The following ZBTB20 variants were observed in gnomAD, a reference collection of about 807,000 sequenced individuals.
The protein encoded by ZBTB20 is zinc finger and BTB domain-containing protein 20.
Under a neutral mutation model 56.9 loss-of-function variants are expected in ZBTB20, and 9 were observed. The observed-to-expected ratio is 0.16, with a 90% CI of 0.10 to 0.28. The LOEUF is 0.28. ZBTB20 is among the 10% of genes least tolerant of loss of function. ZBTB20 has a pLI of 1.00. For synonymous variants in ZBTB20, 417 were observed against 420.7 expected (o/e 0.99, Z 0.11); for missense variants, 655 against 1,003.0 (o/e 0.65, Z 4.69).
chr3:114,577,829 A>G (rs1369674953), intron 6 of ZBTB20, among the ~76,000 whole-genome samples: 1 of 152,228 alleles, frequency 6.6e-6, no homozygotes, highest in Non-Finnish European at 1.5e-5. Context: ...CTACCATTGT[A>G]AGATCTGGAT....
At chr3:114,490,500 C>A (rs1461368636) in intron 7 of ZBTB20, among the ~76,000 whole-genome samples, 1 of 152,226 alleles carries the variant, frequency 6.6e-6, no homozygotes, top group East Asian at 1.9e-4. Flanking sequence ...GGATTACAGG[C>A]GTGAGATCCC....
At chr3:114,960,934 A>G (rs2077426789) in intron 3 of ZBTB20, among the ~76,000 whole-genome samples, 1 of 152,122 alleles carries the variant, frequency 6.6e-6, no homozygotes, top group Non-Finnish European at 1.5e-5. Context: ...AAAGCATTGC[A>G]ATAAGGAAGG....
intron 6 of ZBTB20, among the ~76,000 whole-genome samples, chr3:114,614,822 C>T (rs1050988989): frequency 6.6e-6 from 1 of 152,014 alleles, no homozygotes; most frequent in Non-Finnish European, 1.5e-5. Context: ...GGTGTGATCT[C>T]AGCTCACTGC....
intron 5 of ZBTB20, among the ~76,000 whole-genome samples, chr3:114,756,968 C>T (rs903701499): frequency 1.3e-5 from 2 of 152,116 alleles, no homozygotes; most frequent in East Asian, 3.9e-4. Context: ...TCAATTTTCA[C>T]TTTAAAAAAA....
rs2078953348 is a variant in ZBTB20, at chr3:114,323,154, C to T, written c.*15851G>A. On this transcript the variant is annotated 3_prime_UTR_variant, in exon 12 of 12. Transcript: ENST00000675478. ...AAGAGCTGTCAAACTCTGATTACTT[C>T]TAAGATTAAAAAAGATAATAAAAAT... 1 of 152,040 alleles carries T rather than the reference C, an allele frequency of 6.6e-6. No individual in the cohort carries two copies. The highest frequency in any genetic ancestry group is 6.6e-5 in the Admixed American group (1 of 15,250). The allele number at this position is 152,040 out of a possible 1,614,324, so 9.4% of individuals were successfully genotyped here. A position where few individuals can be genotyped will look rare whatever the true frequency, so the allele number is the denominator to read the frequency against.
chr3:114,435,064 C>T (rs980782904), intron 7 of ZBTB20, among the ~76,000 whole-genome samples: 8 of 151,954 alleles, frequency 5.3e-5, no homozygotes, highest in Non-Finnish European at 1.0e-4. Flanking sequence ...ATGTATGATC[C>T]GGAGAGAGGT....
rs879338584 is a variant in ZBTB20 at position 114,664,219 on chromosome 3, G to A, written c.-295+29309C>T. The stretch of plus-strand genomic sequence containing the variant: ...ACCTGAGATTTTGAACCACTGTCAA[G>A]TTTGTGGTTGCCCTGGTAAGGAGTA... On this transcript the variant is annotated intron_variant, in intron 6 of 11. Coordinates refer to ENST00000675478, the MANE Select transcript of ZBTB20 (RefSeq NM_001348800.3). 4.6e-5 allele frequency among the ~76,000 whole-genome samples: 7 copies of A among 152,156 alleles called. No individual in the cohort carries two copies. In the East Asian group the frequency reaches 7.8e-4, roughly 17 times the overall value.
intron 1 of ZBTB20, among the ~76,000 whole-genome samples, chr3:115,078,613 G>GTATATATATATA (rs3086037): frequency 5.1e-5 from 7 of 137,826 alleles, no homozygotes; most frequent in South Asian, 2.4e-4. Context: ...GTGTGTGTGT[G>GTATATATATATA]TATATATATA....
chr3:114,488,226 A>C (rs946593940), intron 7 of ZBTB20, among the ~76,000 whole-genome samples: 4 of 152,234 alleles, frequency 2.6e-5, no homozygotes, highest in Admixed American at 2.6e-4. Flanking sequence ...GAGCATAAGA[A>C]GCAGAGCTTG....
chr3:114,397,811 C>T (rs889776789), intron 7 of ZBTB20, among the ~76,000 whole-genome samples: 3 of 151,768 alleles, frequency 2.0e-5, no homozygotes, highest in Non-Finnish European at 2.9e-5. Flanking sequence ...TTACAGACTC[C>T]CCCATCCCCC....
rs1303612501 is a variant in ZBTB20 at position 114,337,705 on chromosome 3, T to A, written c.*1300A>T. 1.3e-5 allele frequency: 2 copies of A among 151,974 alleles called. No individual in the cohort carries two copies. Among genetic ancestry groups the A allele is most frequent in the African/African-American group, 2.4e-5 (1 of 41,400 alleles). The allele number at this position is 151,974 out of a possible 1,614,324, so 9.4% of individuals were successfully genotyped here. On this transcript the variant is annotated 3_prime_UTR_variant, in exon 12 of 12. Coordinates refer to ENST00000675478, the MANE Select transcript of ZBTB20 (RefSeq NM_001348800.3). ...AAAAATTAAGAAAAATTAAAAAAAATATGAAGAAAATATCCTTCCTCTCTT... is the reference window on the plus strand; with the variant it reads ...AAAAATTAAGAAAAATTAAAAAAAAAATGAAGAAAATATCCTTCCTCTCTT...
intron 1 of ZBTB20, among the ~76,000 whole-genome samples, chr3:115,090,590 A>G (rs1444053156): frequency 6.6e-6 from 1 of 151,826 alleles, no homozygotes; most frequent in East Asian, 1.9e-4. Flanking sequence ...AGGAAACACC[A>G]TGCGTTTCAC....
intron 2 of ZBTB20, among the ~76,000 whole-genome samples, chr3:115,048,011 G>C (rs372155802): frequency 6.6e-6 from 1 of 152,018 alleles, no homozygotes; most frequent in East Asian, 1.9e-4. Context: ...ACGAGGTCAG[G>C]AGATCGAGAC....
intron 3 of ZBTB20, among the ~76,000 whole-genome samples, chr3:114,957,820 T>C (rs537226522): frequency 6.6e-6 from 1 of 152,336 alleles, no homozygotes; most frequent in South Asian, 2.1e-4. Context: ...CTTTTGTATC[T>C]AGAGTTTGTC....
chr3:114,711,565 A>G (rs1318511576), intron 5 of ZBTB20, among the ~76,000 whole-genome samples: 2 of 152,202 alleles, frequency 1.3e-5, no homozygotes, highest in African/African-American at 2.4e-5. Context: ...AGTAAGTCAA[A>G]TTAGATAGTT....
chr3:115,087,427 T>C (rs2083027953), intron 1 of ZBTB20, among the ~76,000 whole-genome samples: 1 of 151,920 alleles, frequency 6.6e-6, no homozygotes, highest in Admixed American at 6.6e-5. Flanking sequence ...GCTCAGCTAA[T>C]TCTAATGGTT....
intron 4 of ZBTB20, among the ~76,000 whole-genome samples, chr3:114,875,753 CA>C (rs2076167890): frequency 6.6e-6 from 1 of 152,106 alleles, no homozygotes; most frequent in African/African-American, 2.4e-5. Flanking sequence ...TCAGTTCCCT[CA>C]TCTGCAAAAT....
At position 114,748,345 on chromosome 3, in the gene ZBTB20, CT is replaced by C. The variant is rs1560202358; in HGVS notation, c.-343+52755del. On this transcript the variant is annotated intron_variant, in intron 5 of 11. Coordinates refer to ENST00000675478, the MANE Select transcript of ZBTB20 (RefSeq NM_001348800.3). Reference sequence around the variant, plus strand: ...TTCTTTCTTTCTTTCTTCTTTCTTTCTTTCTTTTCTCTCTCTCTCTCTCTCT... The same window carrying C: ...TTCTTTCTTTCTTTCTTCTTTCTTTCTTCTTTTCTCTCTCTCTCTCTCTCT... Among the ~76,000 whole-genome samples, 26 of 31,188 alleles carry C rather than the reference CT, an allele frequency of 8.3e-4. 1 individual carries two copies. Among genetic ancestry groups the C allele is most frequent in the African/African-American group, 1.8e-3 (26 of 14,686 alleles). The allele number at this position is 31,188 out of a possible 152,430, so 20.5% of individuals were successfully genotyped here.
At chr3:115,144,097 T>C (rs2084897744) in intron 1 of ZBTB20, among the ~76,000 whole-genome samples, 1 of 152,200 alleles carries the variant, frequency 6.6e-6, no homozygotes, top group Non-Finnish European at 1.5e-5. Flanking sequence ...TTCAGAAAAA[T>C]ATGATTATTT....
Sources: allele counts gnomAD v4.1 joint callset (sites outside exome capture counted in the v4.1 genomes callset), GRCh38; gene constraint gnomAD v4.1.1; transcripts MANE v1.5; gene names NCBI Gene and HGNC (gene_info 2026-07-23, HGNC 2026-07-21).